The following RUBCN variants were observed in gnomAD, a reference collection of about 807,000 sequenced individuals.
The protein encoded by RUBCN is rubicon autophagy regulator.
RUBCN carries 74 observed loss-of-function variants against 113.2 expected under a neutral mutation model. That is an observed-to-expected ratio of 0.65 (90% CI 0.54 to 0.79). The LOEUF (loss-of-function observed/expected upper bound fraction) is 0.79. Among genes scored for constraint, RUBCN ranks in the 30% least tolerant of loss-of-function variants. The probability of loss-of-function intolerance (pLI) is 0.00; values close to 1 mark genes in which losing one functional copy is unlikely to be tolerated. For missense variants in RUBCN, 1,109 were observed against 1,251.7 expected (o/e 0.89, Z 1.72); for synonymous variants, 480 against 490.0 (o/e 0.98, Z 0.27).
intron 1 of RUBCN, among the ~76,000 whole-genome samples, chr3:197,746,166 TGA>T (rs1728735750): frequency 6.6e-6 from 1 of 152,194 alleles, no homozygotes; most frequent in African/African-American, 2.4e-5. Context: ...TCAGAAAATA[TGA>T]CTAAGTATAA....
At chr3:197,727,585 T>G (rs1726904637) in intron 1 of RUBCN, among the ~76,000 whole-genome samples, 1 of 152,196 alleles carries the variant, frequency 6.6e-6, no homozygotes. Flanking sequence ...GTATCTCCAC[T>G]GCGTTTAAAC....
chr3:197,700,485 A>G (rs779924383), intron 7 of RUBCN, 128 bp downstream of exon 7: 39 of 862,760 alleles, frequency 4.5e-5, no homozygotes, highest in Non-Finnish European at 6.4e-5. Flanking sequence ...CTTTCATTAC[A>G]AAATAAGATG....
chr3:197,680,557 C>T (rs539535788), intron 16 of RUBCN, among the ~76,000 whole-genome samples: 10 of 152,052 alleles, frequency 6.6e-5, no homozygotes, highest in African/African-American at 1.4e-4. Flanking sequence ...GACTGTCTTA[C>T]GCTCTAACTG....
chr3:197,731,709 G>A (rs555548941), intron 1 of RUBCN, among the ~76,000 whole-genome samples: 215 of 149,440 alleles, frequency 1.4e-3, no homozygotes, highest in African/African-American at 5.2e-3. Flanking sequence ...GGGCAGAGGC[G>A]CCCCTCACTT....
At chr3:197,715,293 A>G (rs1264051413) in intron 2 of RUBCN, among the ~76,000 whole-genome samples, 3 of 151,160 alleles carry the variant, frequency 2.0e-5, no homozygotes, top group African/African-American at 7.3e-5. Flanking sequence ...CTATCTTGAA[A>G]AAAAAAAAAA....
chr3:197,669,066 ACTT>A lies in RUBCN; in HGVS notation c.*5949_*5951del, dbSNP rs913476472. Among the ~76,000 whole-genome samples, 2 of 152,158 alleles carry A rather than the reference ACTT, an allele frequency of 1.3e-5. No individual in the cohort carries two copies. The highest frequency in any genetic ancestry group is 4.8e-5 in the African/African-American group (2 of 41,426). The stretch of plus-strand genomic sequence containing the variant: ...GTACATATGCTTTTTATATAGGTAA[ACTT>A]CTTAATCTGGAATAATTTTAGATCC... On this transcript the variant is annotated 3_prime_UTR_variant, in exon 20 of 20. Coordinates refer to ENST00000296343, the MANE Select transcript of RUBCN (RefSeq NM_014687.4).
In RUBCN at chr3:197,736,761, C is replaced by T; in HGVS notation, c.-42G>A. Reference sequence around the variant, plus strand: ...GCCTCTTCGCCCAAGAGAGGCGTCCCTGCCGCTTCGCCCTTCAGGGCTCCC... The same window carrying T: ...GCCTCTTCGCCCAAGAGAGGCGTCCTTGCCGCTTCGCCCTTCAGGGCTCCC... On this transcript the variant is annotated 5_prime_UTR_variant, in exon 1 of 20. Transcript: ENST00000296343. 1 of 1,524,768 alleles carries T rather than the reference C, an allele frequency of 6.6e-7. No individual in the cohort carries two copies. The highest frequency in any genetic ancestry group is 8.7e-7 in the Non-Finnish European group (1 of 1,142,858). The allele number at this position is 1,524,768 out of a possible 1,614,324, so 94.5% of individuals were successfully genotyped here. A position where few individuals can be genotyped will look rare whatever the true frequency, so the allele number is the denominator to read the frequency against.
rs137984781 is a variant in RUBCN, at chr3:197,683,522, C to T, written c.1848-83G>A. Reference sequence around the variant, plus strand: ...CTTCCCTTCATGATCTCATCCCCCACGCAGCAACTTCTGGGCTGGAAGAAC... The same window carrying T: ...CTTCCCTTCATGATCTCATCCCCCATGCAGCAACTTCTGGGCTGGAAGAAC... On this transcript the variant is annotated intron_variant, in intron 12 of 19. Coordinates refer to ENST00000296343, the MANE Select transcript of RUBCN (RefSeq NM_014687.4). The surrounding 1 kb of genome is among the most constrained non-coding windows in gnomAD (Gnocchi z 4.6). 39 of 1,521,104 alleles carry T rather than the reference C, an allele frequency of 2.6e-5. No homozygotes were observed. Among genetic ancestry groups the T allele is most frequent in the Admixed American group, 1.2e-4 (7 of 56,170 alleles). The allele number at this position is 1,521,104 out of a possible 1,614,324, so 94.2% of individuals were successfully genotyped here.
chr3:197,677,142 C>G (rs1720531425), intron 17 of RUBCN, 104 bp from the exon 18 acceptor site: 4 of 1,259,044 alleles, frequency 3.2e-6, no homozygotes, highest in Non-Finnish European at 4.6e-6. Context: ...TGAGGGTGGG[C>G]ACCCATCAGC....
At chr3:197,733,231 G>A (rs905612772) in intron 1 of RUBCN, among the ~76,000 whole-genome samples, 3 of 152,208 alleles carry the variant, frequency 2.0e-5, no homozygotes, top group African/African-American at 7.2e-5. Flanking sequence ...CCAGTGCTCT[G>A]GGAGGCCAAG....
Position 197,683,460 on chromosome 3 carries a change from GACGGCT to G in RUBCN, c.1848-27_1848-22del. ...GGGAGCTGGAAAGGGGAGAATCAAG[GACGGCT>G]GAACACAGGGAAAGGATGGGCGATG... On this transcript the variant is annotated intron_variant, in intron 12 of 19. Transcript: ENST00000296343. This position sits in a 1 kb window ranked among gnomAD's most constrained non-coding sequence, Gnocchi z 4.6. The G allele has an allele frequency of 6.2e-7, 1 of 1,613,460 alleles. No homozygotes were observed. Among genetic ancestry groups the G allele is most frequent in the Non-Finnish European group, 8.5e-7 (1 of 1,179,926 alleles).
At chr3:197,718,206 A>G in intron 1 of RUBCN, 76 bp from the exon 2 acceptor site, 1 of 1,530,830 alleles carries the variant, frequency 6.5e-7, no homozygotes, top group East Asian at 2.3e-5. Context: ...AGAAAGTCTA[A>G]GCCGAGGAGC....
chr3:197,690,090 T>C (rs964913227), intron 11 of RUBCN, among the ~76,000 whole-genome samples: 1 of 152,350 alleles, frequency 6.6e-6, no homozygotes, highest in East Asian at 1.9e-4. Flanking sequence ...TAAATCTTGA[T>C]CTAATCTTAC....
intron 2 of RUBCN, among the ~76,000 whole-genome samples, chr3:197,708,151 T>TC (rs1724530233): frequency 6.6e-6 from 1 of 152,004 alleles, no homozygotes; most frequent in Admixed American, 6.6e-5. Context: ...TTTTTTTTTT[T>TC]CCAAGACGGA....
chr3:197,749,390 G>A (rs991502456), exon 1 of RUBCN: 1 of 1,186,638 alleles, frequency 8.4e-7, no homozygotes. Context: ...GAGTTAAGGT[G>A]ACGCAGGAAC....
chr3:197,688,494 A>G (rs561523675), intron 11 of RUBCN, among the ~76,000 whole-genome samples: 27 of 152,336 alleles, frequency 1.8e-4, no homozygotes, highest in African/African-American at 6.3e-4. Flanking sequence ...ATAATTCTTT[A>G]TATTAAACTT....
intron 1 of RUBCN, 71 bp from the exon 2 acceptor site, chr3:197,718,201 G>C (rs1206240061): frequency 1.3e-6 from 2 of 1,581,986 alleles, no homozygotes; most frequent in Non-Finnish European, 1.7e-6. Context: ...ATCAAAGAAA[G>C]TCTAAGCCGA....
At chr3:197,742,747 A>G (rs867000535) in intron 1 of RUBCN, among the ~76,000 whole-genome samples, 2 of 152,250 alleles carry the variant, frequency 1.3e-5, no homozygotes, top group African/African-American at 4.8e-5. Flanking sequence ...GCCTGGGAGA[A>G]GGAGGAATGC....
chr3:197,718,029 C>T lies in RUBCN; in HGVS notation c.167G>A (p.Arg56Gln), dbSNP rs368381286. 1.1e-5 allele frequency: 17 copies of T among 1,614,004 alleles called. No individual in the cohort carries two copies. Among genetic ancestry groups the T allele is most frequent in the East Asian group, 2.2e-5 (1 of 44,902 alleles). Residue 56 changes from arginine (R) to glutamine (Q), a missense_variant, in exon 2 of 20, where the codon CGG (arginine) becomes CAG (glutamine). Physicochemically the swap from Arg to Gln is conservative, Grantham distance 43. Transcript: ENST00000296343. ...NVWSKYGGLE[R>Q]LCRDMQSILY... ...GATGCTCTGCATGTCCCTGCAAAGC[C>T]GCTCCAAGCCACCATACTTAGACCA...
Sources: allele counts gnomAD v4.1 joint callset (sites outside exome capture counted in the v4.1 genomes callset), GRCh38; gene constraint gnomAD v4.1.1; non-coding constraint Gnocchi (gnomAD v3.1); transcripts MANE v1.5; gene names NCBI Gene and HGNC (gene_info 2026-07-23, HGNC 2026-07-21).